Variants in CD40 observed in about 807,000 individuals in gnomAD.
CD40 encodes the protein tumor necrosis factor receptor superfamily member 5.
Under a neutral mutation model 38.5 loss-of-function variants are expected in CD40, and 19 were observed. The ratio of observed to expected loss-of-function variants is 0.49; its 90% CI spans 0.34 to 0.72. The LOEUF (loss-of-function observed/expected upper bound fraction) is 0.72. Ranked by LOEUF, CD40 falls within the 30% of genes least tolerant of loss-of-function variation. The pLI, the probability that CD40 is intolerant of heterozygous loss-of-function variation, is 0.01. For synonymous variants in CD40, 130 were observed against 128.7 expected (o/e 1.01, Z -0.07); for missense variants, 256 against 344.1 (o/e 0.74, Z 2.03).
intron 5 of CD40, among the ~76,000 whole-genome samples, chr20:46,126,181 C>T (rs1484818457): frequency 1.3e-5 from 2 of 152,184 alleles, no homozygotes; most frequent in African/African-American, 4.8e-5. Context: ...TGCTGCTGAA[C>T]ATCTGCAATG....
intron 5 of CD40, 106 bp downstream of exon 5, chr20:46,123,325 CTCATGT>C (rs2085356388): frequency 2.2e-6 from 2 of 896,986 alleles, no homozygotes; most frequent in Admixed American, 3.4e-5. Flanking sequence ...TCCACACACA[CTCATGT>C]ACTTGTGAAG....
In CD40 at chr20:46,129,375, A is replaced by C; in HGVS notation, c.*335A>C. ...CCAGCAGTTTGGTGCCCAGAGAGGC[A>C]TCATGGTGGCTTCCCTGCGCCCAGG... On this transcript the variant is annotated 3_prime_UTR_variant, in exon 9 of 9. Transcript: ENST00000372285. 2.7e-6 allele frequency: 1 copy of C among 368,926 alleles called. No homozygotes were observed. Among genetic ancestry groups the C allele is most frequent in the Non-Finnish European group, 5.2e-6 (1 of 190,712 alleles). The allele number at this position is 368,926 out of a possible 1,614,324, so 22.9% of individuals were successfully genotyped here.
At chr20:46,127,054 C>T in intron 6 of CD40, 1 of 371,662 alleles carries the variant, frequency 2.7e-6, no homozygotes, top group South Asian at 2.3e-5. Context: ...TTAATGGGTG[C>T]AGCACACCAA....
In CD40 at chr20:46,118,333, C is replaced by G. The variant is rs778942629; in HGVS notation, c.-11C>G. On this transcript the variant is annotated 5_prime_UTR_variant, in exon 1 of 9. Coordinates refer to ENST00000372285, the MANE Select transcript of CD40 (RefSeq NM_001250.6). ...GCGCCCAGTGGTCCTGCCGCCTGGT[C>G]TCACCTCGCTATGGTTCGTCTGCCT... is the stretch of plus-strand genomic sequence containing the variant. 3 of 1,613,592 alleles carry G rather than the reference C, an allele frequency of 1.9e-6. No individual in the cohort carries two copies. The Admixed American group carries it at 5.0e-5, about 27-fold the overall frequency.
intron 8 of CD40, 131 bp downstream of exon 8, chr20:46,128,489 AC>A: frequency 1.0e-6 from 1 of 994,280 alleles, no homozygotes; most frequent in Non-Finnish European, 1.6e-6. Context: ...AGAATTGGGG[AC>A]TGTCATCCCC....
At chr20:46,121,983 C>T in intron 2 of CD40, 85 bp downstream of exon 2, 3 of 1,221,092 alleles carry the variant, frequency 2.5e-6, no homozygotes, top group Non-Finnish European at 3.6e-6. Context: ...ACTGTAAACT[C>T]AAATCTGAAA....
At chr20:46,126,155 G>A (rs1047798960) in intron 5 of CD40, among the ~76,000 whole-genome samples, 5 of 152,176 alleles carry the variant, frequency 3.3e-5, no homozygotes, top group Admixed American at 6.5e-5. Flanking sequence ...GGGATCTGGC[G>A]GATAGAGGCC....
intron 5 of CD40, among the ~76,000 whole-genome samples, chr20:46,123,524 C>T (rs372721642): frequency 8.9e-4 from 135 of 152,332 alleles, no homozygotes; most frequent in African/African-American, 3.1e-3. Flanking sequence ...CAGTTTTCCT[C>T]GTCTTGCTTT....
intron 6 of CD40, among the ~76,000 whole-genome samples, chr20:46,127,491 C>T (rs2085460763): frequency 6.6e-6 from 1 of 152,168 alleles, no homozygotes; most frequent in African/African-American, 2.4e-5. Flanking sequence ...AGTTTGCTGA[C>T]TTGGTGTCCG....
chr20:46,118,905 T>C (rs914469261), intron 1 of CD40, among the ~76,000 whole-genome samples: 2 of 152,306 alleles, frequency 1.3e-5, no homozygotes, highest in South Asian at 4.1e-4. Flanking sequence ...GCAAGGAGCT[T>C]TTAACATCGC....
chr20:46,124,751 G>GTTTTT lies in CD40; in HGVS notation c.497+1561_497+1565dup, dbSNP rs780015926. On this transcript the variant is annotated intron_variant, in intron 5 of 8. Coordinates refer to ENST00000372285, the MANE Select transcript of CD40 (RefSeq NM_001250.6). ...GATAACTGGAGGCACCACTGGTATAGTTTTTTTTTTTTTTTTTTTTTTTTT... is the reference window on the plus strand; with the variant it reads ...GATAACTGGAGGCACCACTGGTATAGTTTTTTTTTTTTTTTTTTTTTTTTTTTTTT... Among the ~76,000 whole-genome samples, 733 of 73,904 alleles carry GTTTTT rather than the reference G, an allele frequency of 9.9e-3. 154 individuals are homozygous for GTTTTT. The highest frequency in any genetic ancestry group is 0.025 in the East Asian group (62 of 2,456). 48.5% of individuals were successfully genotyped at this position (73,904 alleles called of 152,430 possible). A position where few individuals can be genotyped will look rare whatever the true frequency, so the allele number is the denominator to read the frequency against.
rs2085338857 is a variant in CD40 at position 46,122,531 on chromosome 20, A to AGAGCAGGCAATGTGGGGAGT, written c.257-75_257-56dup. On this transcript the variant is annotated intron_variant, in intron 3 of 8. Coordinates refer to ENST00000372285, the MANE Select transcript of CD40 (RefSeq NM_001250.6). This position sits in a 1 kb window ranked among gnomAD's most constrained non-coding sequence, Gnocchi z 5.0. ...ACTTGGAAGAGGGTCTGAGGAAGAA[A>AGAGCAGGCAATGTGGGGAGT]GAGCAGGCAATGTGGGGAGTGAGGC... The AGAGCAGGCAATGTGGGGAGT allele has an allele frequency of 6.2e-7, 1 of 1,601,086 alleles. No individual in the cohort carries two copies. The highest frequency in any genetic ancestry group is 1.3e-5 in the African/African-American group (1 of 74,642).
In CD40 at chr20:46,122,144, T is replaced by C. The variant is rs2085331106; in HGVS notation, c.131-89T>C. 2.6e-6 allele frequency: 4 copies of C among 1,511,944 alleles called. No homozygotes were observed. The East Asian group carries it at 9.0e-5, about 34-fold the overall frequency. 93.7% of individuals were successfully genotyped at this position (1,511,944 alleles called of 1,614,324 possible). A position where few individuals can be genotyped will look rare whatever the true frequency, so the allele number is the denominator to read the frequency against. Reference sequence around the variant, plus strand: ...CCAAGACTTTCATCTTTGAATCCCCTACCCTAAAGCCTGGCCTGATCATTG... The same window carrying C: ...CCAAGACTTTCATCTTTGAATCCCCCACCCTAAAGCCTGGCCTGATCATTG... On this transcript the variant is annotated intron_variant, in intron 2 of 8. Coordinates refer to ENST00000372285, the MANE Select transcript of CD40 (RefSeq NM_001250.6). This position sits in a 1 kb window ranked among gnomAD's most constrained non-coding sequence, Gnocchi z 5.0.
intron 5 of CD40, among the ~76,000 whole-genome samples, chr20:46,123,578 AC>A (rs1483632493): frequency 2.0e-5 from 3 of 151,896 alleles, no homozygotes; most frequent in Non-Finnish European, 4.4e-5. Flanking sequence ...CTGGGTGCTC[AC>A]CCTGAGGGCC....
At position 46,120,628 on chromosome 20, in the gene CD40, G is replaced by C. The variant is rs74771256; in HGVS notation, c.52-1192G>C. On this transcript the variant is annotated intron_variant, in intron 1 of 8. Coordinates refer to ENST00000372285, the MANE Select transcript of CD40 (RefSeq NM_001250.6). ...AAACAAAAATCAAGAGCAGGCCTGGGAGGGCCTTCAACAAGCAAACAACCA... is the reference window on the plus strand; with the variant it reads ...AAACAAAAATCAAGAGCAGGCCTGGCAGGGCCTTCAACAAGCAAACAACCA... 7.4e-3 allele frequency among the ~76,000 whole-genome samples: 1,126 copies of C among 152,332 alleles called. 17 individuals are homozygous for C. Among genetic ancestry groups the C allele is most frequent in the African/African-American group, 0.026 (1,081 of 41,576 alleles).
chr20:46,127,809 G>A (rs2085466846), intron 6 of CD40, among the ~76,000 whole-genome samples: 1 of 152,174 alleles, frequency 6.6e-6, no homozygotes. Context: ...GACAGCCACT[G>A]CCACCACTCG....
intron 5 of CD40, among the ~76,000 whole-genome samples, chr20:46,124,561 A>AATATACC (rs2085384310): frequency 6.8e-3 from 1 of 148 alleles, no homozygotes; most frequent in South Asian, 0.17. Context: ...CACAAATAGG[A>AATATACC]GTATACATTT....
intron 1 of CD40, among the ~76,000 whole-genome samples, chr20:46,121,528 G>A (rs1294152163): frequency 6.6e-6 from 1 of 152,156 alleles, no homozygotes; most frequent in Non-Finnish European, 1.5e-5. Flanking sequence ...TTGGGAAGAG[G>A]AATGACTCAG....
intron 4 of CD40, 103 bp from the exon 5 acceptor site, chr20:46,123,023 C>A: frequency 1.0e-6 from 1 of 999,916 alleles, no homozygotes; most frequent in Non-Finnish European, 1.6e-6. Flanking sequence ...GAAGAGTGCT[C>A]AAGGCAGGAG....
Sources: gnomAD v4.1 joint callset for allele counts (sites outside exome capture counted in the v4.1 genomes callset) on GRCh38, gnomAD v4.1.1 for gene constraint, Gnocchi (gnomAD v3.1) non-coding constraint, MANE v1.5 for transcripts, NCBI Gene and HGNC (gene_info 2026-07-23, HGNC 2026-07-21) for gene names.